Variants in RHCE observed in about 807,000 individuals in gnomAD.
RHCE encodes blood group Rh(CE) polypeptide.
Under a neutral mutation model 43.8 loss-of-function variants are expected in RHCE, and 22 were observed. That is an observed-to-expected ratio of 0.50 (90% CI 0.36 to 0.72). The LOEUF is 0.72. Among genes scored for constraint, RHCE ranks in the 30% least tolerant of loss-of-function variants. The pLI, the probability that RHCE is intolerant of heterozygous loss-of-function variation, is 0.00. For missense variants in RHCE, 385 were observed against 525.4 expected (o/e 0.73, Z 2.61); for synonymous variants, 156 against 210.7 (o/e 0.74, Z 2.25).
chr1:25,426,278 G>C (rs2042804561), intron 2 of RHCE, among the ~76,000 whole-genome samples: 1 of 152,212 alleles, frequency 6.6e-6, no homozygotes, highest in South Asian at 2.1e-4. Context: ...TATCCTTTCA[G>C]ATGTTTTTCT....
intron 1 of RHCE, chr1:25,411,488 A>G: frequency 6.5e-7 from 1 of 1,535,966 alleles, no homozygotes; most frequent in African/African-American, 1.4e-5. Context: ...TCTGCCAGAG[A>G]GGACAAGGGA....
At chr1:25,404,488 T>C (rs642317) in intron 2 of RHCE, among the ~76,000 whole-genome samples, 110 of 149,100 alleles carry the variant, frequency 7.4e-4, no homozygotes, top group African/African-American at 2.5e-3. Flanking sequence ...TAAGGGGTTA[T>C]TCAATGTTCC....
chr1:25,412,715 T>TAAA (rs1165784820), intron 1 of RHCE, among the ~76,000 whole-genome samples: 2 of 116,574 alleles, frequency 1.7e-5, no homozygotes, highest in Non-Finnish European at 3.5e-5. Flanking sequence ...ACCCTTTTTT[T>TAAA]AAAAAAAAAA....
intron 7 of RHCE, among the ~76,000 whole-genome samples, chr1:25,384,972 T>C (rs639414): frequency 5.3e-5 from 8 of 152,328 alleles, no homozygotes; most frequent in East Asian, 1.9e-4. Flanking sequence ...CATCATGCTA[T>C]CAGTTCATCT....
intron 3 of RHCE, among the ~76,000 whole-genome samples, chr1:25,392,770 T>C (rs1173869077): frequency 2.6e-5 from 4 of 151,130 alleles, no homozygotes; most frequent in Admixed American, 6.6e-5. Context: ...GGAATCTCAC[T>C]ATGTTGCTCA....
At chr1:25,399,761 G>A (rs757662993) in intron 3 of RHCE, among the ~76,000 whole-genome samples, 4 of 152,110 alleles carry the variant, frequency 2.6e-5, no homozygotes, top group Admixed American at 1.3e-4. Context: ...AGGAAGAAAC[G>A]CTTGGAGTGC....
rs752015325 is a variant in RHCE, at chr1:25,362,443, C to T, written c.*84G>A. On this transcript the variant is annotated 3_prime_UTR_variant, in exon 10 of 10. Coordinates refer to ENST00000294413, the MANE Select transcript of RHCE (RefSeq NM_020485.8). The stretch of plus-strand genomic sequence containing the variant: ...CATAAGGAGACTTTGCTGTCATGAG[C>T]GTTTCTCACGTACAAATGCAGGCAA... 32 of 1,613,344 alleles carry T rather than the reference C, an allele frequency of 2.0e-5. No individual in the cohort carries two copies. In the East Asian group the frequency reaches 6.2e-4, roughly 31 times the overall value.
chr1:25,373,379 G>A (rs1418206651), intron 8 of RHCE, among the ~76,000 whole-genome samples: 1 of 151,698 alleles, frequency 6.6e-6, no homozygotes, highest in African/African-American at 2.4e-5. Context: ...CAGACACCTT[G>A]CATTTTTGCT....
intron 9 of RHCE, among the ~76,000 whole-genome samples, chr1:25,369,810 C>A (rs1406120166): frequency 2.1e-5 from 3 of 145,418 alleles, no homozygotes; most frequent in Non-Finnish European, 4.5e-5. Flanking sequence ...GCAATCTCAG[C>A]TCACTGCAAC....
intron 8 of RHCE, among the ~76,000 whole-genome samples, chr1:25,372,692 A>C (rs1374010001): frequency 1.3e-5 from 2 of 151,762 alleles, no homozygotes; most frequent in East Asian, 3.9e-4. Flanking sequence ...TTAAATAAGT[A>C]TAGACAGGCC....
At chr1:25,376,951 A>G (rs1645807121) in intron 7 of RHCE, among the ~76,000 whole-genome samples, 1 of 152,062 alleles carries the variant, frequency 6.6e-6, no homozygotes, top group African/African-American at 2.4e-5. Flanking sequence ...TTAAAAAGAT[A>G]AAAAGAGTTG....
chr1:25,378,302 C>T (rs1645849889), intron 7 of RHCE, among the ~76,000 whole-genome samples: 1 of 152,206 alleles, frequency 6.6e-6, no homozygotes, highest in Non-Finnish European at 1.5e-5. Context: ...TCAACAATTT[C>T]ACTTCTAGGC....
At chr1:25,390,947 C>T (rs1646342717) in intron 4 of RHCE, 32 bp from the exon 5 acceptor site, 1 of 1,613,832 alleles carries the variant, frequency 6.2e-7, no homozygotes. Context: ...TGGCCAGAAT[C>T]ACACTCCTGC....
chr1:25,388,322 T>C (rs928352615), intron 6 of RHCE, among the ~76,000 whole-genome samples: 3 of 128,308 alleles, frequency 2.3e-5, no homozygotes, highest in Admixed American at 8.6e-5. Context: ...TGGAGAAAGA[T>C]CCATCCACTT....
At chr1:25,388,852 A>G in intron 6 of RHCE, 124 bp downstream of exon 6, 1 of 1,510,352 alleles carries the variant, frequency 6.6e-7, no homozygotes, top group Non-Finnish European at 9.1e-7. Context: ...TAGGCGTTGA[A>G]GCCAATAAGA....
intron 7 of RHCE, among the ~76,000 whole-genome samples, chr1:25,383,513 A>T (rs2904845): frequency 5.3e-5 from 8 of 152,274 alleles, no homozygotes; most frequent in South Asian, 2.1e-4. Flanking sequence ...GTGACATAGG[A>T]CTTATTTTCC....
At chr1:25,392,718 G>A (rs1317073947) in intron 3 of RHCE, among the ~76,000 whole-genome samples, 1 of 151,858 alleles carries the variant, frequency 6.6e-6, no homozygotes, top group East Asian at 1.9e-4. Flanking sequence ...TTACAGGAGT[G>A]CACAACCATG....
chr1:25,410,592 C>G (rs1366731022), intron 1 of RHCE, among the ~76,000 whole-genome samples: 5 of 151,558 alleles, frequency 3.3e-5, no homozygotes, highest in Non-Finnish European at 7.4e-5. Flanking sequence ...ACCACCACGC[C>G]TGGCTAATTT....
intron 7 of RHCE, among the ~76,000 whole-genome samples, chr1:25,379,511 T>A (rs1254558243): frequency 5.0e-5 from 5 of 99,330 alleles, no homozygotes; most frequent in African/African-American, 2.0e-4. Flanking sequence ...TTTTTTTTTT[T>A]TTTTTTTTTT....
Sources: allele counts gnomAD v4.1 joint callset (sites outside exome capture counted in the v4.1 genomes callset), GRCh38; gene constraint gnomAD v4.1.1; transcripts MANE v1.5; gene names NCBI Gene and HGNC (gene_info 2026-07-23, HGNC 2026-07-21).